CCSER2: variants seen among roughly 807,000 people sequenced by gnomAD.
The protein encoded by CCSER2 is coiled-coil serine rich protein 2.
Under a neutral mutation model 92.3 loss-of-function variants are expected in CCSER2, and 46 were observed. The observed-to-expected ratio is 0.50, with a 90% CI of 0.39 to 0.64. The LOEUF (loss-of-function observed/expected upper bound fraction) is 0.64. CCSER2 is among the 30% of genes least tolerant of loss of function. The probability of loss-of-function intolerance (pLI) is 0.00; values close to 1 mark genes in which losing one functional copy is unlikely to be tolerated. For missense variants in CCSER2, 1,244 were observed against 1,238.9 expected (o/e 1.00, Z -0.06); for synonymous variants, 433 against 431.4 (o/e 1.00, Z -0.04).
rs1037980819 is a variant in CCSER2 at position 84,374,069 on chromosome 10, G to A, written c.1614+254G>A. 2.5e-5 allele frequency: 21 copies of A among 827,200 alleles called. No individual in the cohort carries two copies. The African/African-American group carries it at 3.1e-4, about 12-fold the overall frequency. The allele number at this position is 827,200 out of a possible 1,614,324, so 51.2% of individuals were successfully genotyped here. A position where few individuals can be genotyped will look rare whatever the true frequency, so the allele number is the denominator to read the frequency against. On this transcript the variant is annotated intron_variant, in intron 3 of 9. Coordinates refer to ENST00000372088, the MANE Select transcript of CCSER2 (RefSeq NM_001284240.2). ...TCATACATATGTGCATACTATATTAGTAGTTTAATCTATGCCAGTGGTTCT... is the reference window on the plus strand; with the variant it reads ...TCATACATATGTGCATACTATATTAATAGTTTAATCTATGCCAGTGGTTCT...
chr10:84,369,542 C>A (rs531097864), intron 1 of CCSER2, among the ~76,000 whole-genome samples: 2 of 151,808 alleles, frequency 1.3e-5, no homozygotes, highest in East Asian at 3.9e-4. Flanking sequence ...AGTTGGAGTT[C>A]CTTATAGATT....
At chr10:84,414,320 G>T (rs1394170267) in intron 3 of CCSER2, among the ~76,000 whole-genome samples, 1 of 152,168 alleles carries the variant, frequency 6.6e-6, no homozygotes, top group African/African-American at 2.4e-5. Context: ...GCTTCCGTCA[G>T]GAGCTCTTGC....
intron 1 of CCSER2, among the ~76,000 whole-genome samples, chr10:84,355,599 A>G (rs1229979043): frequency 6.6e-6 from 1 of 152,078 alleles, no homozygotes; most frequent in Non-Finnish European, 1.5e-5. Context: ...CTTTTCCCTT[A>G]TATTGGAAGG....
rs1466760573 is a variant in CCSER2 at position 84,516,495 on chromosome 10, A to G, written c.*2228A>G. On this transcript the variant is annotated 3_prime_UTR_variant, in exon 10 of 10. Transcript: ENST00000372088. The stretch of plus-strand genomic sequence containing the variant: ...CACATGTTGCAAATATGTGAATCAT[A>G]CTATATTCCCCTAAAGTAAAACCAG... The G allele has an allele frequency of 2.0e-5, 3 of 152,210 alleles. No homozygotes were observed. Among genetic ancestry groups the G allele is most frequent in the Admixed American group, 2.0e-4 (3 of 15,280 alleles). 9.4% of individuals were successfully genotyped at this position (152,210 alleles called of 1,614,324 possible).
intron 6 of CCSER2, among the ~76,000 whole-genome samples, chr10:84,451,808 A>G (rs991844244): frequency 2.0e-5 from 3 of 152,198 alleles, no homozygotes; most frequent in Non-Finnish European, 4.4e-5. Context: ...TTTTATTTCA[A>G]AGTGTCTTTG....
chr10:84,510,336 C>T (rs1458264897), intron 9 of CCSER2, among the ~76,000 whole-genome samples: 1 of 152,112 alleles, frequency 6.6e-6, no homozygotes, highest in African/African-American at 2.4e-5. Flanking sequence ...CCTCCTGTGA[C>T]CTCTCCAGGC....
intron 7 of CCSER2, among the ~76,000 whole-genome samples, chr10:84,464,298 A>G (rs1279284080): frequency 2.6e-5 from 4 of 152,242 alleles, no homozygotes; most frequent in Non-Finnish European, 5.9e-5. Context: ...AAATATGAGT[A>G]GGAATGAAAG....
At chr10:84,358,272 T>C (rs1256619057) in intron 1 of CCSER2, among the ~76,000 whole-genome samples, 4 of 152,074 alleles carry the variant, frequency 2.6e-5, no homozygotes, top group Non-Finnish European at 4.4e-5. Flanking sequence ...GTTCAGAGAG[T>C]TGGCTTCTGC....
intron 1 of CCSER2, among the ~76,000 whole-genome samples, chr10:84,336,011 T>G (rs1360830424): frequency 1.3e-5 from 2 of 152,202 alleles, no homozygotes; most frequent in Non-Finnish European, 2.9e-5. Flanking sequence ...TGTTTTGTTT[T>G]GTTTCTTTTC....
At chr10:84,407,894 T>G (rs1321188423) in intron 3 of CCSER2, among the ~76,000 whole-genome samples, 3 of 152,084 alleles carry the variant, frequency 2.0e-5, no homozygotes, top group Admixed American at 6.5e-5. Flanking sequence ...TGAAAAGACT[T>G]AACTCACAAA....
rs1846719560 is a variant in CCSER2, at chr10:84,470,415, TAAAG to T, written c.2196_2199del (p.Lys734MetfsTer7). The T allele has an allele frequency of 3.6e-6, 5 of 1,398,182 alleles. No homozygotes were observed. The highest frequency in any genetic ancestry group is 1.5e-5 in the African/African-American group (1 of 67,516). 86.6% of individuals were successfully genotyped at this position (1,398,182 alleles called of 1,614,324 possible). Reference sequence around the variant, plus strand: ...GAAATAAAACAACTTAAAGACGAAATAAAGAAAAAAGATGAAAAGATCCAACTAT... The same window carrying T: ...GAAATAAAACAACTTAAAGACGAAATAAAAAAGATGAAAAGATCCAACTAT... On this transcript the variant is annotated frameshift_variant, in exon 8 of 10. Coordinates refer to ENST00000372088, the MANE Select transcript of CCSER2 (RefSeq NM_001284240.2). LOFTEE classifies it high-confidence loss of function.
intron 8 of CCSER2, among the ~76,000 whole-genome samples, chr10:84,472,385 A>C (rs1292326087): frequency 6.6e-6 from 1 of 152,130 alleles, no homozygotes; most frequent in Non-Finnish European, 1.5e-5. Context: ...CCTGGCCAAC[A>C]TGGTGAAACC....
In CCSER2 at chr10:84,513,563, C is replaced by T; in HGVS notation, c.2440C>T (p.His814Tyr). Residue 814 changes from histidine to tyrosine, a missense_variant, in exon 10 of 10, where the codon CAT (histidine) becomes TAT (tyrosine). By Grantham distance (83) the His-to-Tyr change is moderately conservative (BLOSUM62 2). Transcript: ENST00000372088. The stretch of plus-strand genomic sequence containing the variant: ...CAGTGAATGCTCAATCCAAGACATG[C>T]ATCAGGGCGGTGCACATCCGGAAGA... ...ARSECSIQDM[H>Y]QGGAHPEESF... 1 of 1,614,070 alleles carries T rather than the reference C, an allele frequency of 6.2e-7. No individual in the cohort carries two copies. The highest frequency in any genetic ancestry group is 8.5e-7 in the Non-Finnish European group (1 of 1,180,016).
chr10:84,347,618 G>A (rs1333405759), intron 1 of CCSER2, among the ~76,000 whole-genome samples: 1 of 151,960 alleles, frequency 6.6e-6, no homozygotes, highest in Non-Finnish European at 1.5e-5. Context: ...CCTCCCTCCC[G>A]GATGGGGTGG....
chr10:84,465,946 T>C (rs1846398160), intron 7 of CCSER2, among the ~76,000 whole-genome samples: 1 of 152,098 alleles, frequency 6.6e-6, no homozygotes, highest in Non-Finnish European at 1.5e-5. Flanking sequence ...GAGACGGGGT[T>C]TCACCGTGGT....
Position 84,334,527 on chromosome 10 carries a change from A to G in CCSER2, c.-40+5719A>G, listed in dbSNP as rs186339421. On this transcript the variant is annotated intron_variant, in intron 1 of 9. Coordinates refer to ENST00000372088, the MANE Select transcript of CCSER2 (RefSeq NM_001284240.2). ...GTTGATTATATTAAGGTTTGGAGCC[A>G]TTGGGAAGCCAGAGGATTCTTAAAG... Among the ~76,000 whole-genome samples the G allele has an allele frequency of 3.9e-4, 60 of 152,214 alleles. 1 individual carries two copies. The East Asian group carries it at 9.9e-3, about 25-fold the overall frequency.
intron 3 of CCSER2, among the ~76,000 whole-genome samples, chr10:84,395,150 G>C (rs1008140239): frequency 3.3e-5 from 5 of 151,182 alleles, no homozygotes; most frequent in Admixed American, 2.6e-4. Context: ...CTTGAGTCCA[G>C]GAGGTTGAGG....
intron 1 of CCSER2, among the ~76,000 whole-genome samples, chr10:84,363,480 GTA>G (rs1845618134): frequency 1.3e-5 from 2 of 152,172 alleles, no homozygotes; most frequent in African/African-American, 4.8e-5. Context: ...TTATACGTGT[GTA>G]GTCATCAGTA....
chr10:84,336,748 C>G lies in CCSER2; in HGVS notation c.-40+7940C>G, dbSNP rs1264813457. Among the ~76,000 whole-genome samples, 3 of 152,172 alleles carry G rather than the reference C, an allele frequency of 2.0e-5. 1 individual carries two copies. Among genetic ancestry groups the G allele is most frequent in the African/African-American group, 7.2e-5 (3 of 41,432 alleles). On this transcript the variant is annotated intron_variant, in intron 1 of 9. Coordinates refer to ENST00000372088, the MANE Select transcript of CCSER2 (RefSeq NM_001284240.2). The stretch of plus-strand genomic sequence containing the variant: ...TGGCTTTTAAAAGGTGGGGAGCCAC[C>G]AGAGTTTTGACTTGTTATAAGTAGA...
Sources: allele counts gnomAD v4.1 joint callset (sites outside exome capture counted in the v4.1 genomes callset), GRCh38; gene constraint gnomAD v4.1.1; transcripts MANE v1.5; gene names NCBI Gene and HGNC (gene_info 2026-07-23, HGNC 2026-07-21).